FGF14: variants seen among roughly 807,000 people sequenced by gnomAD.
The protein encoded by FGF14 is fibroblast growth factor homologous factor 4.
In FGF14, 5 loss-of-function variants were observed where a neutral mutation model predicts 25.5. The ratio of observed to expected loss-of-function variants is 0.20; its 90% CI spans 0.10 to 0.41. The LOEUF (loss-of-function observed/expected upper bound fraction) is 0.41. Ranked by LOEUF, FGF14 falls within the 10% of genes least tolerant of loss-of-function variation. FGF14 has a pLI of 1.00. For synonymous variants in FGF14, 138 were observed against 118.3 expected (o/e 1.17, Z -1.08); for missense variants, 222 against 320.1 (o/e 0.69, Z 2.34).
At chr13:102,086,334 C>A (rs759880282) in intron 1 of FGF14, among the ~76,000 whole-genome samples, 6 of 151,966 alleles carry the variant, frequency 3.9e-5, no homozygotes, top group Non-Finnish European at 7.4e-5. Context: ...TCCTGGCTAA[C>A]CAGGATAGAG....
At chr13:101,950,872 C>CAA (rs3065979) in intron 1 of FGF14, among the ~76,000 whole-genome samples, 55,616 of 150,714 alleles carry the variant, frequency 0.37, 10,861 homozygotes, top group Non-Finnish European at 0.44. Flanking sequence ...CAAGATACCA[C>CAA]AAACAAAAAG....
At chr13:102,068,714 G>A (rs1289181707) in intron 1 of FGF14, among the ~76,000 whole-genome samples, 2 of 152,208 alleles carry the variant, frequency 1.3e-5, no homozygotes, top group African/African-American at 4.8e-5. Flanking sequence ...TTCCCGCGGG[G>A]CAGGGCTCGG....
chr13:102,018,164 A>T (rs1185663314), intron 1 of FGF14, among the ~76,000 whole-genome samples: 2 of 152,122 alleles, frequency 1.3e-5, no homozygotes, highest in Non-Finnish European at 2.9e-5. Context: ...TGCTTATCAT[A>T]ACCTATCTCT....
intron 3 of FGF14, among the ~76,000 whole-genome samples, chr13:101,788,689 A>G (rs1235522069): frequency 1.3e-5 from 2 of 151,394 alleles, no homozygotes; most frequent in Non-Finnish European, 2.9e-5. Context: ...CTCAAAGTGT[A>G]TTTTCTATGC....
intron 1 of FGF14, among the ~76,000 whole-genome samples, chr13:102,286,106 G>A (rs912366224): frequency 6.6e-6 from 1 of 152,166 alleles, no homozygotes; most frequent in Admixed American, 6.5e-5. Context: ...ACTTGGTAGA[G>A]GGAGGTAAGT....
chr13:102,331,608 T>C (rs1289991588), intron 1 of FGF14, among the ~76,000 whole-genome samples: 1 of 152,198 alleles, frequency 6.6e-6, no homozygotes, highest in Non-Finnish European at 1.5e-5. Flanking sequence ...TCCAAGGGGA[T>C]TGATTTATAG....
At chr13:102,226,940 A>C (rs9557839) in intron 1 of FGF14, among the ~76,000 whole-genome samples, 124,511 of 151,868 alleles carry the variant, frequency 0.82, 51,634 homozygotes, top group African/African-American at 0.95. Flanking sequence ...CAATTTTTAA[A>C]CTTGACATCC....
At chr13:101,987,701 G>A (rs1275709448) in intron 1 of FGF14, among the ~76,000 whole-genome samples, 3 of 151,998 alleles carry the variant, frequency 2.0e-5, no homozygotes, top group Admixed American at 2.0e-4. Context: ...CTGCATGTGG[G>A]CATCCTATGA....
At chr13:102,391,358 A>G (rs1425119891) in intron 1 of FGF14, among the ~76,000 whole-genome samples, 1 of 152,144 alleles carries the variant, frequency 6.6e-6, no homozygotes, top group Non-Finnish European at 1.5e-5. Context: ...CACAGTTAGT[A>G]TCCCCCATAC....
chr13:101,795,158 A>G (rs1477433122), intron 3 of FGF14, among the ~76,000 whole-genome samples: 1 of 152,120 alleles, frequency 6.6e-6, no homozygotes, highest in Non-Finnish European at 1.5e-5. Context: ...TATTTTGCCA[A>G]AGCAGTCACA....
chr13:102,245,487 T>C (rs1257142387), intron 1 of FGF14, among the ~76,000 whole-genome samples: 1 of 151,938 alleles, frequency 6.6e-6, no homozygotes, highest in East Asian at 1.9e-4. Flanking sequence ...AGAGATTCAA[T>C]AGAAAGGTTT....
chr13:102,241,724 C>T (rs2051611999), intron 1 of FGF14, among the ~76,000 whole-genome samples: 1 of 152,048 alleles, frequency 6.6e-6, no homozygotes. Context: ...CAGAGCCATC[C>T]ACTTAATGAA....
intron 1 of FGF14, among the ~76,000 whole-genome samples, chr13:102,114,225 C>T (rs2045359424): frequency 1.3e-5 from 2 of 152,174 alleles, no homozygotes; most frequent in South Asian, 2.1e-4. Flanking sequence ...GAAGAAATAT[C>T]GAGTTCTTTG....
At chr13:102,270,133 G>A (rs1203240690) in intron 1 of FGF14, among the ~76,000 whole-genome samples, 1 of 151,790 alleles carries the variant, frequency 6.6e-6, no homozygotes, top group Admixed American at 6.6e-5. Flanking sequence ...TGTTATAAAA[G>A]TATTACATGC....
chr13:101,969,330 G>A (rs1474577156), intron 1 of FGF14, among the ~76,000 whole-genome samples: 1 of 152,154 alleles, frequency 6.6e-6, no homozygotes, highest in Non-Finnish European at 1.5e-5. Context: ...TTGGGAGGCC[G>A]AGGTGGGCGG....
intron 1 of FGF14, among the ~76,000 whole-genome samples, chr13:102,128,712 G>A (rs1423877259): frequency 2.0e-5 from 3 of 152,210 alleles, no homozygotes; most frequent in Non-Finnish European, 4.4e-5. Flanking sequence ...CTGAAGAGAA[G>A]TGATTTATGT....
chr13:101,832,280 T>C (rs2042708714), intron 3 of FGF14, among the ~76,000 whole-genome samples: 1 of 152,024 alleles, frequency 6.6e-6, no homozygotes, highest in Admixed American at 6.6e-5. Flanking sequence ...ACGGCCCAGC[T>C]AGCAGCTTGA....
At chr13:101,921,254 G>C (rs960708598), upstream of FGF14, among the ~76,000 whole-genome samples, 1 of 152,064 alleles carries the variant, frequency 6.6e-6, no homozygotes, top group African/African-American at 2.4e-5. Flanking sequence ...TGAATCTAGG[G>C]CACCTTCTAA....
rs144170245 is a variant in FGF14 at position 102,355,030 on chromosome 13, G to C, written c.208+46441C>G. ...TTGTAGCCCATTTCACACTGTCATGGAACTATTTGCCTTTGTGACAGTCTT... is the reference window on the plus strand; with the variant it reads ...TTGTAGCCCATTTCACACTGTCATGCAACTATTTGCCTTTGTGACAGTCTT... On this transcript the variant is annotated intron_variant, in intron 1 of 4. Transcript: ENST00000376131. 2.6e-5 allele frequency among the ~76,000 whole-genome samples: 4 copies of C among 152,174 alleles called. No individual in the cohort carries two copies. The East Asian group carries it at 7.7e-4, about 29-fold the overall frequency.
Sources: gnomAD v4.1 joint callset for allele counts (sites outside exome capture counted in the v4.1 genomes callset) on GRCh38, gnomAD v4.1.1 for gene constraint, MANE v1.5 for transcripts, NCBI Gene and HGNC (gene_info 2026-07-23, HGNC 2026-07-21) for gene names.